Variants in WDR76 observed in about 807,000 individuals in gnomAD.
The protein encoded by WDR76 is WD repeat-containing protein 76.
In WDR76, 52 loss-of-function variants were observed where a neutral mutation model predicts 70.2. The observed-to-expected ratio is 0.74, with a 90% confidence interval of 0.59 to 0.93. The LOEUF (loss-of-function observed/expected upper bound fraction) is 0.93, where lower values mean the gene tolerates loss of function less well. Among genes scored for constraint, WDR76 ranks in the 40% least tolerant of loss-of-function variants. The pLI is 0.00. For missense variants in WDR76, 756 were observed against 760.2 expected (o/e 0.99, Z 0.07); for synonymous variants, 292 against 271.1 (o/e 1.08, Z -0.76).
chr15:43,847,072 C>A (rs1259986384), intron 8 of WDR76, among the ~76,000 whole-genome samples: 2 of 149,212 alleles, frequency 1.3e-5, no homozygotes, highest in Non-Finnish European at 3.0e-5. Context: ...CTCTGTAGTC[C>A]AGTATCTCCA....
At chr15:43,848,930 CTTT>C (rs534839516) in intron 8 of WDR76, among the ~76,000 whole-genome samples, 3 of 127,092 alleles carry the variant, frequency 2.4e-5, no homozygotes, top group Non-Finnish European at 3.4e-5. Context: ...AGAGTTGAGA[CTTT>C]TTTTTTTTTT....
At chr15:43,835,584 A>G (rs2141727059) in intron 3 of WDR76, among the ~76,000 whole-genome samples, 1 of 152,230 alleles carries the variant, frequency 6.6e-6, no homozygotes, top group East Asian at 1.9e-4. Flanking sequence ...GAGGGAGGGT[A>G]AAATTGGAGC....
chr15:43,844,006 T>G lies in WDR76; in HGVS notation c.984T>G (p.Thr328=). Residue 328 remains threonine (T), a synonymous_variant, in exon 8 of 13, where the codon ACT becomes ACG. Coordinates refer to ENST00000263795, the MANE Select transcript of WDR76 (RefSeq NM_024908.4). ...SMALHPSETR[T]LVAVGAKFGQ... The stretch of plus-strand genomic sequence containing the variant: ...CTCTCCATCCATCAGAAACTAGAAC[T>G]TTGGTAGCAGTTGGGGCCAAATTTG... 1 of 1,613,776 alleles carries G rather than the reference T, an allele frequency of 6.2e-7. No individual in the cohort carries two copies. Among genetic ancestry groups the G allele is most frequent in the East Asian group, 2.2e-5 (1 of 44,866 alleles).
intron 10 of WDR76, chr15:43,857,617 C>T (rs910457218): frequency 8.3e-6 from 6 of 723,442 alleles, no homozygotes; most frequent in African/African-American, 3.9e-5. Context: ...GTCAGGAGTT[C>T]GAGACCAGCC....
chr15:43,859,501 C>T (rs909337756), intron 11 of WDR76, among the ~76,000 whole-genome samples: 3 of 152,164 alleles, frequency 2.0e-5, no homozygotes, highest in African/African-American at 7.2e-5. Context: ...TTTTGGAATT[C>T]ATATATTATT....
At chr15:43,836,056 C>A in intron 3 of WDR76, 105 bp from the exon 4 acceptor site, 1 of 979,720 alleles carries the variant, frequency 1.0e-6, no homozygotes, top group Non-Finnish European at 1.4e-6. Flanking sequence ...ATCTTTAGTT[C>A]CTGAATAGAC....
intron 9 of WDR76, among the ~76,000 whole-genome samples, chr15:43,853,104 G>A (rs531603571): frequency 1.4e-4 from 21 of 152,144 alleles, no homozygotes; most frequent in African/African-American, 4.8e-4. Context: ...GGCCAGGCTG[G>A]TCTTGAACTC....
At chr15:43,843,219 C>T (rs1463427438) in intron 7 of WDR76, among the ~76,000 whole-genome samples, 1 of 151,878 alleles carries the variant, frequency 6.6e-6, no homozygotes, top group East Asian at 1.9e-4. Context: ...TGAGATTTTG[C>T]TGTGTTGCCC....
intron 11 of WDR76, among the ~76,000 whole-genome samples, chr15:43,861,125 C>T (rs1016559199): frequency 1.3e-5 from 2 of 151,910 alleles, no homozygotes; most frequent in African/African-American, 4.8e-5. Context: ...CACTGTATTG[C>T]CCAGGTTGGT....
intron 12 of WDR76, among the ~76,000 whole-genome samples, chr15:43,865,327 C>T (rs147430413): frequency 0.017 from 2,635 of 152,182 alleles, 63 homozygotes; most frequent in African/African-American, 0.06. Flanking sequence ...GGCTGGAATG[C>T]AGTGGTGCAA....
chr15:43,864,094 G>C (rs1244562092), intron 12 of WDR76: 1 of 152,124 alleles, frequency 6.6e-6, no homozygotes, highest in African/African-American at 2.4e-5. Context: ...AATGTCTCCA[G>C]GTTCATCCAC....
rs2087938284 is a variant in WDR76 at position 43,857,119 on chromosome 15, T to C, written c.1365T>C (p.His455=). 1 of 1,614,016 alleles carries C rather than the reference T, an allele frequency of 6.2e-7. No individual in the cohort carries two copies. The change falls in exon 10 of 13, where the codon CAT becomes CAC. Residue 455 remains histidine, a synonymous_variant. Transcript: ENST00000263795. ...CTATGGGAAAAATAAGAACTGTTCATGTCCACCCAGTGCATAGACAGTATT... is the reference window on the plus strand; with the variant it reads ...CTATGGGAAAAATAAGAACTGTTCACGTCCACCCAGTGCATAGACAGTATT... ...SSSMGKIRTV[H]VHPVHRQYFI... is the part of the protein sequence containing the mutation.
At chr15:43,838,382 C>T (rs777123214) in intron 4 of WDR76, among the ~76,000 whole-genome samples, 11 of 151,814 alleles carry the variant, frequency 7.2e-5, no homozygotes, top group Non-Finnish European at 1.3e-4. Flanking sequence ...TACGGGGTTT[C>T]GCCATGTTGG....
Position 43,839,732 on chromosome 15 carries a change from AG to A in WDR76, c.732+6del. The A allele has an allele frequency of 6.3e-7, 1 of 1,599,752 alleles. No individual in the cohort carries two copies. Among genetic ancestry groups the A allele is most frequent in the South Asian group, 1.1e-5 (1 of 87,944 alleles). On this transcript the variant is annotated splice_donor_5th_base_variant and intron_variant, in intron 5 of 12. Transcript: ENST00000263795. ...GACATTAGTAGCAGATGAAACTGTA[AG>A]GAAATGTGCAAATATAATATTTTAA...
chr15:43,860,425 T>A (rs2087981296), intron 11 of WDR76, among the ~76,000 whole-genome samples: 1 of 152,230 alleles, frequency 6.6e-6, no homozygotes, highest in Non-Finnish European at 1.5e-5. Flanking sequence ...GTGAATTTTG[T>A]ATATAGTTTT....
intron 7 of WDR76, among the ~76,000 whole-genome samples, chr15:43,843,475 GTA>G (rs909871240): frequency 2.6e-5 from 4 of 152,138 alleles, no homozygotes; most frequent in Non-Finnish European, 5.9e-5. Context: ...GTGTGTTTGT[GTA>G]TGTGTTTGTT....
At chr15:43,833,614 C>A (rs1374702905) in intron 2 of WDR76, among the ~76,000 whole-genome samples, 1 of 151,212 alleles carries the variant, frequency 6.6e-6, no homozygotes, top group Admixed American at 6.6e-5. Flanking sequence ...CCACTGCTCC[C>A]AGCCCTTTCT....
At chr15:43,851,434 G>A (rs555966647) in intron 9 of WDR76, among the ~76,000 whole-genome samples, 189 bp downstream of exon 9, 1 of 152,286 alleles carries the variant, frequency 6.6e-6, no homozygotes, top group African/African-American at 2.4e-5. Flanking sequence ...GCTTAACCTT[G>A]TTGTGCCTCA....
At chr15:43,863,072 A>G (rs2088023874) in intron 12 of WDR76, among the ~76,000 whole-genome samples, 1 of 152,146 alleles carries the variant, frequency 6.6e-6, no homozygotes, top group South Asian at 2.1e-4. Context: ...AGTAGCTGGG[A>G]CTACAGGCAT....
Sources: allele counts gnomAD v4.1 joint callset (sites outside exome capture counted in the v4.1 genomes callset), GRCh38; gene constraint gnomAD v4.1.1; transcripts MANE v1.5; gene names NCBI Gene and HGNC (gene_info 2026-07-23, HGNC 2026-07-21).